STARD13: variants seen among roughly 807,000 people sequenced by gnomAD.
STARD13 encodes stAR-related lipid transfer protein 13.
In STARD13, 62 loss-of-function variants were observed where a neutral mutation model predicts 106.4. The observed-to-expected ratio is 0.58, with a 90% confidence interval of 0.48 to 0.72. The LOEUF (loss-of-function observed/expected upper bound fraction) is 0.72, where lower values mean the gene tolerates loss of function less well. Among genes scored for constraint, STARD13 ranks in the 30% least tolerant of loss-of-function variants. The pLI, the probability that STARD13 is intolerant of heterozygous loss-of-function variation, is 0.00. For missense variants in STARD13, 1,387 were observed against 1,424.0 expected, an observed-to-expected ratio of 0.97 and a Z score of 0.42; for synonymous variants, 565 against 553.0, an observed-to-expected ratio of 1.02 and a Z score of -0.31.
At chr13:33,200,941 G>A (rs1484978699) in intron 1 of STARD13, among the ~76,000 whole-genome samples, 1 of 152,078 alleles carries the variant, frequency 6.6e-6, no homozygotes, top group Non-Finnish European at 1.5e-5. Flanking sequence ...CGGGAGAATG[G>A]CGTGAACCCA....
the STARD13 span, among the ~76,000 whole-genome samples, chr13:33,361,478 T>G: frequency 6.6e-6 from 1 of 151,752 alleles, no homozygotes; most frequent in Non-Finnish European, 1.5e-5. Context: ...CTCGGGGGAG[T>G]AGGAGGACCT....
At chr13:33,218,644 A>G (rs1295682117) in intron 1 of STARD13, among the ~76,000 whole-genome samples, 1 of 152,232 alleles carries the variant, frequency 6.6e-6, no homozygotes, top group African/African-American at 2.4e-5. Context: ...TGTCTGACTC[A>G]TAGGAACCTG....
chr13:33,391,085 T>C, the STARD13 span, among the ~76,000 whole-genome samples: 130 of 152,278 alleles, frequency 8.5e-4, 2 homozygotes, highest in African/African-American at 3.1e-3. Context: ...CACAAAAATA[T>C]AACAAGAAAA....
At chr13:33,499,603 CTTTCTTCTTCTTCTTCTTCTT>C in the STARD13 span, among the ~76,000 whole-genome samples, 10 of 47,298 alleles carry the variant, frequency 2.1e-4, no homozygotes, top group African/African-American at 5.3e-4. Flanking sequence ...TCTTCTTCTT[CTTTCTTCTTCTTCTTCTTCTT>C]CTTCTTCTTC....
At chr13:33,258,603 G>A (rs540481943) in intron 1 of STARD13, among the ~76,000 whole-genome samples, 10 of 152,270 alleles carry the variant, frequency 6.6e-5, no homozygotes, top group African/African-American at 2.4e-4. Flanking sequence ...GAATATTTCC[G>A]AGAACCATTC....
the STARD13 span, among the ~76,000 whole-genome samples, chr13:33,648,407 G>A: frequency 7.9e-4 from 121 of 152,318 alleles, no homozygotes; most frequent in Non-Finnish European, 1.4e-3. Flanking sequence ...GGGTCAAATC[G>A]TAGCTCTGCC....
At chr13:33,478,088 G>A in the STARD13 span, among the ~76,000 whole-genome samples, 10 of 152,116 alleles carry the variant, frequency 6.6e-5, no homozygotes, top group Middle Eastern at 3.4e-3. Context: ...CCTCCAATTC[G>A]TGTTTTCCTG....
At chr13:33,615,157 C>A in the STARD13 span, among the ~76,000 whole-genome samples, 2 of 152,086 alleles carry the variant, frequency 1.3e-5, no homozygotes, top group Non-Finnish European at 2.9e-5. Flanking sequence ...TGTCAGGGAA[C>A]AAAAGCAATC....
chr13:33,511,671 G>A, the STARD13 span, among the ~76,000 whole-genome samples: 1 of 152,010 alleles, frequency 6.6e-6, no homozygotes, highest in Non-Finnish European at 1.5e-5. Context: ...AAGTTGTATT[G>A]CAAATCCTAG....
At chr13:33,452,636 G>A in the STARD13 span, among the ~76,000 whole-genome samples, 4 of 152,084 alleles carry the variant, frequency 2.6e-5, no homozygotes, top group Non-Finnish European at 4.4e-5. Context: ...AGTTATATGC[G>A]CTTAGGCAAC....
intron 1 of STARD13, among the ~76,000 whole-genome samples, chr13:33,187,526 T>TA (rs1885879211): frequency 6.6e-6 from 1 of 152,142 alleles, no homozygotes; most frequent in Admixed American, 6.5e-5. Context: ...GGGCATGCAT[T>TA]TTACTGAGAC....
chr13:33,412,982 C>G, the STARD13 span, among the ~76,000 whole-genome samples: 1 of 152,200 alleles, frequency 6.6e-6, no homozygotes, highest in Non-Finnish European at 1.5e-5. Context: ...TAGAACACTT[C>G]ACTCAACCAC....
chr13:33,309,396 A>G (rs1177540113), intron 1 of STARD13, among the ~76,000 whole-genome samples: 1 of 152,194 alleles, frequency 6.6e-6, no homozygotes, highest in African/African-American at 2.4e-5. Flanking sequence ...GATAATGAAA[A>G]TTGGAGTTGT....
chr13:33,414,929 G>C, the STARD13 span, among the ~76,000 whole-genome samples: 9 of 152,170 alleles, frequency 5.9e-5, no homozygotes, highest in Admixed American at 5.9e-4. Flanking sequence ...CCTCTAGATA[G>C]GAATCGTTGG....
chr13:33,260,104 G>A (rs1242375515), intron 1 of STARD13, among the ~76,000 whole-genome samples: 3 of 151,992 alleles, frequency 2.0e-5, no homozygotes, highest in African/African-American at 4.8e-5. Context: ...CAAAGAACCT[G>A]AGGCAGCATG....
chr13:33,355,102 A>G (rs2078112623), upstream of STARD13: 2 of 152,230 alleles, frequency 1.3e-5, no homozygotes, highest in African/African-American at 4.8e-5. Flanking sequence ...TTCTAAAATT[A>G]CAAATAATCC....
chr13:33,385,825 T>C, the STARD13 span, among the ~76,000 whole-genome samples: 1 of 132,046 alleles, frequency 7.6e-6, no homozygotes, highest in African/African-American at 2.9e-5. Context: ...CACTCCAGCC[T>C]GGGCAGCAGA....
the STARD13 span, among the ~76,000 whole-genome samples, chr13:33,627,707 GT>G: frequency 6.6e-6 from 1 of 152,036 alleles, no homozygotes; most frequent in Admixed American, 6.6e-5. Context: ...CCTGGACATG[GT>G]CCAAAAGGTG....
the STARD13 span, among the ~76,000 whole-genome samples, chr13:33,488,296 A>C: frequency 1.3e-5 from 2 of 152,202 alleles, no homozygotes; most frequent in East Asian, 3.9e-4. Context: ...GCCTCAGCTC[A>C]AGAGTCCCCT....
Sources: gnomAD v4.1 joint callset for allele counts (sites outside exome capture counted in the v4.1 genomes callset) on GRCh38, gnomAD v4.1.1 for gene constraint, MANE v1.5 for transcripts, NCBI Gene and HGNC (gene_info 2026-07-23, HGNC 2026-07-21) for gene names.